Variants in CEP350 observed in about 807,000 individuals in gnomAD.
CEP350 encodes centrosome-associated protein 350.
A neutral mutation model predicts 331.8 loss-of-function variants in CEP350; 126 were observed. The observed-to-expected ratio is 0.38, with a 90% CI of 0.33 to 0.44. CEP350 has a LOEUF of 0.44. Among genes scored for constraint, CEP350 ranks in the 20% least tolerant of loss-of-function variants. CEP350 has a pLI of 1.00. For synonymous variants in CEP350, 1,200 were observed against 1,259.5 expected (o/e 0.95, Z 1.00); for missense variants, 3,406 against 3,634.6 (o/e 0.94, Z 1.62).
rs1342526537 is a variant in CEP350 at position 180,020,680 on chromosome 1, A to G, written c.2906A>G (p.Asp969Gly). 3.1e-6 allele frequency: 5 copies of G among 1,613,938 alleles called. No homozygotes were observed. The highest frequency in any genetic ancestry group is 2.5e-6 in the Non-Finnish European group (3 of 1,179,910). Residue 969 changes from aspartate to glycine, a missense_variant, in exon 12 of 38, where the codon GAC (aspartate) becomes GGC (glycine). Physicochemically the swap from Asp to Gly is moderately conservative, Grantham distance 94. This residue lies in a region of CEP350 where 1,857 missense variants were observed against 1,909.2 expected (regional missense o/e 0.97). Transcript: ENST00000367607. The part of the protein sequence containing the change: ...SSSDMQACSQ[D>G]KAKISLGSSI... Reference sequence around the variant, plus strand: ...TCTGATATGCAAGCCTGTTCTCAAGACAAAGCCAAAATATCTCTTGGTTCC... The same window carrying G: ...TCTGATATGCAAGCCTGTTCTCAAGGCAAAGCCAAAATATCTCTTGGTTCC...
chr1:179,980,347 ATTAT>A (rs2148643063), intron 1 of CEP350, among the ~76,000 whole-genome samples: 1 of 150,166 alleles, frequency 6.7e-6, no homozygotes, highest in Non-Finnish European at 1.5e-5. Context: ...AAGGTAGTTC[ATTAT>A]TTATATATAG....
Position 180,093,941 on chromosome 1 carries a change from T to C in CEP350, c.7836T>C (p.Phe2612=), listed in dbSNP as rs1440358370. Residue 2612 remains phenylalanine, a synonymous_variant, in exon 34 of 38, where the codon TTT becomes TTC. Transcript: ENST00000367607. ...KDREKDVSEY[F]YEKSLPSVND... is the part of the protein sequence containing the mutation. The stretch of plus-strand genomic sequence containing the variant: ...GAGAAAAGGATGTCAGTGAATATTT[T>C]TATGAGAAATCCCTACCTAGTGTGA... 85 of 1,613,864 alleles carry C rather than the reference T, an allele frequency of 5.3e-5. No homozygotes were observed. The highest frequency in any genetic ancestry group is 7.1e-5 in the Non-Finnish European group (84 of 1,179,842).
intron 6 of CEP350, 84 bp downstream of exon 6, chr1:179,997,259 C>A: frequency 6.9e-7 from 1 of 1,440,034 alleles, no homozygotes; most frequent in African/African-American, 1.4e-5. Flanking sequence ...GAGAGGATCA[C>A]CTTTAGAACA....
chr1:180,039,274 G>A (rs1322457133), intron 17 of CEP350, among the ~76,000 whole-genome samples: 5 of 93,598 alleles, frequency 5.3e-5, no homozygotes, highest in Non-Finnish European at 2.7e-5. Context: ...AAGGAAGGAA[G>A]GGAGGGAGGG....
rs1323704647 is a variant in CEP350, at chr1:180,013,934, A to C, written c.1481A>C (p.Lys494Thr). ...LQRNSERSRS[K>T]SRSENNIKKL... is the part of the protein sequence containing the mutation. The stretch of plus-strand genomic sequence containing the variant: ...AGAAACTCAGAACGTTCGAGAAGTA[A>C]ATCTCGGTCTGAAAATAATATAAAG... Residue 494 changes from lysine (K) to threonine (T), a missense_variant, in exon 10 of 38, where the codon AAA becomes ACA. By Grantham distance (78) the Lys-to-Thr change is moderately conservative (BLOSUM62 -1). Around this residue, in one of 5 missense-constraint regions of CEP350, gnomAD observed 1,857 missense variants for 1,909.2 expected, o/e 0.97. Coordinates refer to ENST00000367607, the MANE Select transcript of CEP350 (RefSeq NM_014810.5). The C allele has an allele frequency of 6.2e-7, 1 of 1,613,564 alleles. No individual in the cohort carries two copies. Among genetic ancestry groups the C allele is most frequent in the African/African-American group, 1.3e-5 (1 of 74,936 alleles).
intron 1 of CEP350, 92 bp from the exon 2 acceptor site, chr1:179,986,077 A>C: frequency 1.0e-6 from 1 of 975,030 alleles, no homozygotes; most frequent in South Asian, 1.6e-5. Context: ...AATGGGTGTG[A>C]AGTAGTCATA....
intron 17 of CEP350, among the ~76,000 whole-genome samples, chr1:180,038,098 T>C (rs1156303627): frequency 1.3e-5 from 2 of 152,256 alleles, no homozygotes; most frequent in East Asian, 3.8e-4. Flanking sequence ...TTCTGATTTC[T>C]GGCACCATAG....
chr1:180,078,720 A>G (rs768699985), intron 29 of CEP350, 46 bp downstream of exon 29: 12 of 1,489,142 alleles, frequency 8.1e-6, no homozygotes, highest in South Asian at 1.3e-5. Flanking sequence ...TAGAAAAAAA[A>G]CTGAAAGGTA....
intron 30 of CEP350, among the ~76,000 whole-genome samples, chr1:180,081,632 G>T (rs1324302243): frequency 6.6e-6 from 1 of 152,154 alleles, no homozygotes; most frequent in East Asian, 1.9e-4. Flanking sequence ...TAGCCTTACT[G>T]CACTCTCAGG....
Position 179,987,299 on chromosome 1 carries a change from A to G in CEP350, c.120+13A>G. ...AACCAAGGCTGCTGTAAGTAGTTTT[A>G]GCTTCCATTTATTTATTTCTGGATT... is the stretch of plus-strand genomic sequence containing the variant. On this transcript the variant is annotated intron_variant, in intron 3 of 37. Transcript: ENST00000367607. 1 of 1,475,420 alleles carries G rather than the reference A, an allele frequency of 6.8e-7. No homozygotes were observed. Among genetic ancestry groups the G allele is most frequent in the Non-Finnish European group, 9.4e-7 (1 of 1,063,616 alleles). The allele number at this position is 1,475,420 out of a possible 1,614,324, so 91.4% of individuals were successfully genotyped here. A position where few individuals can be genotyped will look rare whatever the true frequency, so the allele number is the denominator to read the frequency against.
At chr1:179,963,585 A>G (rs1320656207) in intron 1 of CEP350, among the ~76,000 whole-genome samples, 1 of 151,064 alleles carries the variant, frequency 6.6e-6, no homozygotes, top group African/African-American at 2.4e-5. Context: ...AGCACTGTTT[A>G]TTGAATAGGT....
In CEP350 at chr1:180,011,935, G is replaced by C. The variant is rs1180667328; in HGVS notation, c.1253G>C (p.Ser418Thr). The change falls in exon 9 of 38, where the codon AGT becomes ACT. Residue 418 changes from serine (S) to threonine (T), a missense_variant. Physicochemically the swap from Ser to Thr is moderately conservative, Grantham distance 58. Around this residue, in one of 5 missense-constraint regions of CEP350, gnomAD observed 1,857 missense variants for 1,909.2 expected, o/e 0.97. Coordinates refer to ENST00000367607, the MANE Select transcript of CEP350 (RefSeq NM_014810.5). ...LSSTECRTGSSHLISTSSWRD... is the reference protein window; with the variant it reads ...LSSTECRTGSTHLISTSSWRD... Reference sequence around the variant, plus strand: ...GTGCCATGTATTTTTTTAGGTAGTAGTCATCTTATAAGTACATCTTCTTGG... The same window carrying C: ...GTGCCATGTATTTTTTTAGGTAGTACTCATCTTATAAGTACATCTTCTTGG... 2 of 1,593,524 alleles carry C rather than the reference G, an allele frequency of 1.3e-6. No individual in the cohort carries two copies. The highest frequency in any genetic ancestry group is 4.5e-5 in the East Asian group (2 of 44,586).
intron 27 of CEP350, among the ~76,000 whole-genome samples, chr1:180,074,472 T>C (rs1571959863): frequency 6.6e-6 from 1 of 152,170 alleles, no homozygotes; most frequent in South Asian, 2.1e-4. Flanking sequence ...TTGTATCTCT[T>C]AGGTAATGAA....
chr1:180,032,244 C>G (rs562656453), intron 15 of CEP350, among the ~76,000 whole-genome samples: 1 of 152,216 alleles, frequency 6.6e-6, no homozygotes, highest in African/African-American at 2.4e-5. Context: ...TCTGAGAAGA[C>G]ACAGATTTAT....
chr1:180,075,245 C>A, intron 28 of CEP350, 24 bp downstream of exon 28: 4 of 1,561,620 alleles, frequency 2.6e-6, no homozygotes, highest in Non-Finnish European at 3.5e-6. Flanking sequence ...ACTCTGTTCA[C>A]ACTACAAACT....
intron 17 of CEP350, 41 bp downstream of exon 17, chr1:180,037,130 T>C (rs758319118): frequency 6.7e-7 from 1 of 1,494,842 alleles, no homozygotes; most frequent in Non-Finnish European, 8.9e-7. Flanking sequence ...TTTTTCTTTT[T>C]TCTTCGCTAT....
At chr1:180,048,900 T>C (rs1657299584) in intron 22 of CEP350, among the ~76,000 whole-genome samples, 195 bp downstream of exon 22, 1 of 152,100 alleles carries the variant, frequency 6.6e-6, no homozygotes, top group Non-Finnish European at 1.5e-5. Context: ...GAGACCTCTG[T>C]CGCTACAAAA....
At chr1:179,999,152 T>C (rs1653690244) in intron 6 of CEP350, among the ~76,000 whole-genome samples, 1 of 152,098 alleles carries the variant, frequency 6.6e-6, no homozygotes, top group Non-Finnish European at 1.5e-5. Context: ...GTTTTGTTCT[T>C]TGTACAAGTC....
intron 9 of CEP350, among the ~76,000 whole-genome samples, chr1:180,013,055 C>A (rs1041824622): frequency 6.6e-6 from 1 of 152,128 alleles, no homozygotes; most frequent in Non-Finnish European, 1.5e-5. Context: ...AAGAAGCATT[C>A]TAGTAAAAGG....
Sources: allele counts gnomAD v4.1 joint callset (sites outside exome capture counted in the v4.1 genomes callset), GRCh38; gene constraint gnomAD v4.1.1; regional missense constraint gnomAD v4.1.1; transcripts MANE v1.5; gene names NCBI Gene and HGNC (gene_info 2026-07-23, HGNC 2026-07-21).